Variants in ATP8B2 observed in about 807,000 individuals in gnomAD.
ATP8B2 encodes the protein ATPase phospholipid transporting 8B2.
ATP8B2 carries 70 observed loss-of-function variants against 133.4 expected under a neutral mutation model. That is an observed-to-expected ratio of 0.52 (90% CI 0.43 to 0.64). The LOEUF is 0.64. Ranked by LOEUF, ATP8B2 falls within the 30% of genes least tolerant of loss-of-function variation. ATP8B2 has a pLI of 0.00. For synonymous variants in ATP8B2, 517 were observed against 589.5 expected (o/e 0.88, Z 1.78); for missense variants, 1,101 against 1,535.7 (o/e 0.72, Z 4.73).
Position 154,328,987 on chromosome 1 carries a change from C to T in ATP8B2, c.31+815C>T, listed in dbSNP as rs1570845142. 9 of 1,304,132 alleles carry T rather than the reference C, an allele frequency of 6.9e-6. No homozygotes were observed. Among genetic ancestry groups the T allele is most frequent in the Non-Finnish European group, 9.1e-6 (9 of 988,884 alleles). 80.8% of individuals were successfully genotyped at this position (1,304,132 alleles called of 1,614,324 possible). Reference sequence around the variant, plus strand: ...TGCCCTCCCCCACTCAAACCGGGATCATGACGGTCCCCAAGGAGATGCCCG... The same window carrying T: ...TGCCCTCCCCCACTCAAACCGGGATTATGACGGTCCCCAAGGAGATGCCCG... On this transcript the variant is annotated intron_variant, in intron 2 of 27. Coordinates refer to ENST00000368489, the MANE Select transcript of ATP8B2 (RefSeq NM_001370597.1). This position sits in a 1 kb window ranked among gnomAD's most constrained non-coding sequence, Gnocchi z 4.6.
intron 12 of ATP8B2, among the ~76,000 whole-genome samples, chr1:154,339,314 A>C (rs948778009): frequency 5.9e-5 from 9 of 152,176 alleles, no homozygotes; most frequent in Non-Finnish European, 1.3e-4. Context: ...ATCCACGGTC[A>C]CTCAGGGCCT....
At chr1:154,326,603 AG>A (rs1044644370) in intron 1 of ATP8B2, among the ~76,000 whole-genome samples, 3 of 152,128 alleles carry the variant, frequency 2.0e-5, no homozygotes, top group Non-Finnish European at 4.4e-5. Context: ...GCCCCCCCAG[AG>A]GGGATGAGGT....
intron 13 of ATP8B2, chr1:154,341,272 C>T: frequency 1.6e-6 from 1 of 632,942 alleles, no homozygotes; most frequent in Non-Finnish European, 2.8e-6. Context: ...ATTGCTCGAG[C>T]CCAGGAATGC....
rs1240266213 is a variant in ATP8B2, at chr1:154,343,557, G to A, written c.1747G>A (p.Asp583Asn). The change falls in exon 17 of 28, where the codon GAC becomes AAC. Residue 583 changes from aspartate to asparagine, a missense_variant. Physicochemically the swap from Asp to Asn is conservative, Grantham distance 23. Transcript: ENST00000368489. This position sits in a 1 kb window ranked among gnomAD's most constrained non-coding sequence, Gnocchi z 5.8. ...STQELLNTTMDHLNEYAGEGL... is the reference protein window; with the variant it reads ...STQELLNTTMNHLNEYAGEGL... Reference sequence around the variant, plus strand: ...TCAAGAGCTGCTCAACACCACCATGGACCACCTTAATGTGGGTGTGAGGAG... The same window carrying A: ...TCAAGAGCTGCTCAACACCACCATGAACCACCTTAATGTGGGTGTGAGGAG... The A allele has an allele frequency of 2.5e-6, 4 of 1,613,860 alleles. No homozygotes were observed. The highest frequency in any genetic ancestry group is 2.5e-6 in the Non-Finnish European group (3 of 1,179,944).
At position 154,334,280 on chromosome 1, in the gene ATP8B2, A is replaced by G; in HGVS notation, c.748+15A>G. The G allele has an allele frequency of 6.2e-7, 1 of 1,612,872 alleles. No homozygotes were observed. The highest frequency in any genetic ancestry group is 1.1e-5 in the South Asian group (1 of 91,060). On this transcript the variant is annotated intron_variant, in intron 10 of 27. Transcript: ENST00000368489. This position sits in a 1 kb window ranked among gnomAD's most constrained non-coding sequence, Gnocchi z 4.6. ...CATCTTTGCAGGTGAGCCTCCTAGC[A>G]TCCAAAGAAAGAAGGGTAAGAGTGA...
At position 154,331,517 on chromosome 1, in the gene ATP8B2, T is replaced by C; in HGVS notation, c.365+12T>C. 6.2e-7 allele frequency: 1 copy of C among 1,614,072 alleles called. No homozygotes were observed. Among genetic ancestry groups the C allele is most frequent in the South Asian group, 1.1e-5 (1 of 91,074 alleles). ...CTGATCAATGGAATGTGAGTGCCTG[T>C]TGGAGACAAGAGCTCTGGGGACGAA... On this transcript the variant is annotated intron_variant, in intron 6 of 27. Coordinates refer to ENST00000368489, the MANE Select transcript of ATP8B2 (RefSeq NM_001370597.1). The surrounding 1 kb of genome is among the most constrained non-coding windows in gnomAD (Gnocchi z 4.8).
At position 154,346,383 on chromosome 1, in the gene ATP8B2, T is replaced by A; in HGVS notation, c.2931T>A (p.Ala977=). Reference sequence around the variant, plus strand: ...TCTTCATTCCCTATGGGGTGTTTGCTGATGCCACCCGGGATGATGGCACTC... The same window carrying A: ...TCTTCATTCCCTATGGGGTGTTTGCAGATGCCACCCGGGATGATGGCACTC... ...LMFFIPYGVF[A]DATRDDGTQL... The change falls in exon 25 of 28, where the codon GCT becomes GCA. Residue 977 remains alanine, a synonymous_variant. Transcript: ENST00000368489. The surrounding 1 kb of genome is among the most constrained non-coding windows in gnomAD (Gnocchi z 4.5). 1 of 1,614,208 alleles carries A rather than the reference T, an allele frequency of 6.2e-7. No homozygotes were observed. Among genetic ancestry groups the A allele is most frequent in the Non-Finnish European group, 8.5e-7 (1 of 1,180,042 alleles).
Position 154,348,968 on chromosome 1 carries a change from C to T in ATP8B2, c.3423C>T (p.Ile1141=). The T allele has an allele frequency of 6.2e-7, 1 of 1,614,276 alleles. No homozygotes were observed. The change falls in exon 28 of 28, where the codon ATC becomes ATT. Residue 1141 remains isoleucine, a synonymous_variant. Transcript: ENST00000368489. ...FSHQEGFGEL[I]MSGKNMRLSS... ...ATCAGGAGGGCTTCGGGGAGCTCAT[C>T]ATGTCTGGCAAGAACATGCGGCTGA...
intron 8 of ATP8B2, among the ~76,000 whole-genome samples, chr1:154,332,268 C>T (rs1686019073): frequency 6.6e-6 from 1 of 152,172 alleles, no homozygotes. Context: ...CATGGTGACT[C>T]ACTCCTGTAA....
In ATP8B2 at chr1:154,344,007, C is replaced by T. The variant is rs569952974; in HGVS notation, c.1873C>T (p.Arg625Trp). 26 of 1,614,094 alleles carry T rather than the reference C, an allele frequency of 1.6e-5. No individual in the cohort carries two copies. In the East Asian group the frequency reaches 3.3e-4, roughly 21 times the overall value. Residue 625 changes from arginine to tryptophan, a missense_variant, in exon 18 of 28, where the codon CGG (arginine) becomes TGG (tryptophan). Physicochemically the swap from Arg to Trp is moderately radical, Grantham distance 101. Coordinates refer to ENST00000368489, the MANE Select transcript of ATP8B2 (RefSeq NM_001370597.1). The surrounding 1 kb of genome is among the most constrained non-coding windows in gnomAD (Gnocchi z 4.1). ...CCAGGCCAGCCTGGCCCAGGACAGC[C>T]GGGAGGACAGGCTGGCTAGCATCTA... is the stretch of plus-strand genomic sequence containing the variant. The part of the protein sequence containing the change: ...RLQASLAQDS[R>W]EDRLASIYEE...
At chr1:154,335,195 G>A (rs1686136446) in intron 11 of ATP8B2, among the ~76,000 whole-genome samples, 1 of 152,142 alleles carries the variant, frequency 6.6e-6, no homozygotes, top group Non-Finnish European at 1.5e-5. Flanking sequence ...AAGAGTGTGC[G>A]GAAACCCAGC....
intron 12 of ATP8B2, among the ~76,000 whole-genome samples, chr1:154,339,171 G>A (rs1304580456): frequency 6.6e-6 from 1 of 152,202 alleles, no homozygotes; most frequent in Non-Finnish European, 1.5e-5. Context: ...CTTACTGCTG[G>A]TGATAATAAA....
rs1433175415 is a variant in ATP8B2 at position 154,348,820 on chromosome 1, T to C, written c.3295-20T>C. 3.2e-6 allele frequency: 5 copies of C among 1,568,682 alleles called. No homozygotes were observed. The South Asian group carries it at 5.7e-5, about 18-fold the overall frequency. On this transcript the variant is annotated intron_variant, in intron 27 of 27. Transcript: ENST00000368489. ...ACACCTCCACGCTGACAGAGGGCTC[T>C]TCCCTGTGCCCCTCTGCAGGTCCGC...
In ATP8B2 at chr1:154,331,559, C is replaced by G. The variant is rs748431506; in HGVS notation, c.366-47C>G. 1 of 1,613,616 alleles carries G rather than the reference C, an allele frequency of 6.2e-7. No homozygotes were observed. The highest frequency in any genetic ancestry group is 8.5e-7 in the Non-Finnish European group (1 of 1,179,504). On this transcript the variant is annotated intron_variant, in intron 6 of 27. Coordinates refer to ENST00000368489, the MANE Select transcript of ATP8B2 (RefSeq NM_001370597.1). This position sits in a 1 kb window ranked among gnomAD's most constrained non-coding sequence, Gnocchi z 4.8. ...GGGGACGAAGGGGGTCCCTTAGGAA[C>G]CTCTTTAGCTCCTGACAGCCTCTTC...
rs924754115 is a variant in ATP8B2, at chr1:154,345,590, G to A, written c.2694+45G>A. 7 of 1,525,440 alleles carry A rather than the reference G, an allele frequency of 4.6e-6. No homozygotes were observed. Among genetic ancestry groups the A allele is most frequent in the Non-Finnish European group, 6.3e-6 (7 of 1,109,336 alleles). 94.5% of individuals were successfully genotyped at this position (1,525,440 alleles called of 1,614,324 possible). A position where few individuals can be genotyped will look rare whatever the true frequency, so the allele number is the denominator to read the frequency against. ...CACTGTTGTGCAAATCTGTAAACCT[G>A]AGGGCAGAGGTTCTGTCTTGTTTAT... On this transcript the variant is annotated intron_variant, in intron 23 of 27. Transcript: ENST00000368489. The surrounding 1 kb of genome is among the most constrained non-coding windows in gnomAD (Gnocchi z 5.6).
In ATP8B2 at chr1:154,345,300, T is replaced by G. The variant is rs767329707; in HGVS notation, c.2471-22T>G. The G allele has an allele frequency of 6.2e-7, 1 of 1,613,120 alleles. No individual in the cohort carries two copies. The highest frequency in any genetic ancestry group is 8.5e-7 in the Non-Finnish European group (1 of 1,179,602). ...GTGGCCGGTGGCCATCTTCACCCTC[T>G]TGTCATCTCTTGTCTCTGCAGCGGC... On this transcript the variant is annotated intron_variant, in intron 22 of 27. Coordinates refer to ENST00000368489, the MANE Select transcript of ATP8B2 (RefSeq NM_001370597.1). This position sits in a 1 kb window ranked among gnomAD's most constrained non-coding sequence, Gnocchi z 5.6.
At position 154,343,716 on chromosome 1, in the gene ATP8B2, C is replaced by A; in HGVS notation, c.1758+148C>A. On this transcript the variant is annotated intron_variant, in intron 17 of 27. Transcript: ENST00000368489. The surrounding 1 kb of genome is among the most constrained non-coding windows in gnomAD (Gnocchi z 5.8). ...TAGTGAAGTGATTACTACAGTCAGA[C>A]AACTTAACACATCAGCCAGCTCCCA... The A allele has an allele frequency of 1.0e-6, 1 of 991,142 alleles. No individual in the cohort carries two copies. 61.4% of individuals were successfully genotyped at this position (991,142 alleles called of 1,614,324 possible).
At chr1:154,338,442 A>G (rs1215770046) in intron 12 of ATP8B2, among the ~76,000 whole-genome samples, 6 of 152,188 alleles carry the variant, frequency 3.9e-5, no homozygotes, top group African/African-American at 7.2e-5. Flanking sequence ...TGGGCGGATA[A>G]CGAGGTCAGG....
chr1:154,333,964 C>T, intron 9 of ATP8B2, 143 bp from the exon 10 acceptor site: 1 of 1,006,904 alleles, frequency 9.9e-7, no homozygotes, highest in Non-Finnish European at 1.5e-6. Context: ...AGAGTTGCAT[C>T]AGCTCACACT....
Sources: allele counts gnomAD v4.1 joint callset (sites outside exome capture counted in the v4.1 genomes callset), GRCh38; gene constraint gnomAD v4.1.1; non-coding constraint Gnocchi (gnomAD v3.1); transcripts MANE v1.5; gene names NCBI Gene and HGNC (gene_info 2026-07-23, HGNC 2026-07-21).